The following PCAT7 variants were observed in gnomAD, a reference collection of about 807,000 sequenced individuals.
PCAT7 encodes prostate cancer associated transcript 7 (non-protein coding).
At chr9:94,555,822 A>C (rs1290839500) in intron 1 of PCAT7, among the ~76,000 whole-genome samples, 1 of 151,400 alleles carries the variant, frequency 6.6e-6, no homozygotes, top group African/African-American at 2.4e-5. Context: ...GGTGACAAGG[A>C]GGAGGAGAAA....
Position 94,561,767 on chromosome 9 carries a change from G to C in PCAT7, n.441+2615G>C, listed in dbSNP as rs79274148. ...GCACACACAGACACACACACACAGAGAGACGTCGGCACAGGGACCATGACA... is the reference window on the plus strand; with the variant it reads ...GCACACACAGACACACACACACAGACAGACGTCGGCACAGGGACCATGACA... On this transcript the variant is annotated intron_variant and non_coding_transcript_variant, in intron 2 of 8. Coordinates refer to ENST00000647389, the Ensembl canonical transcript of PCAT7. Among the ~76,000 whole-genome samples, 868 of 152,192 alleles carry C rather than the reference G, an allele frequency of 5.7e-3. 30 individuals are homozygous for C. In the East Asian group the frequency reaches 0.11, roughly 18 times the overall value.
Position 94,555,284 on chromosome 9 carries a change from G to T in PCAT7, n.231G>T, listed in dbSNP as rs1048789278. ...TCGCCTCGCTGCGGTTGGTGGTGGC[G>T]GTGGACATTGCAGCGCGGCTGGAGG... On this transcript the variant is annotated non_coding_transcript_exon_variant, in exon 1 of 9. Transcript: ENST00000647389. 5 of 152,082 alleles carry T rather than the reference G, an allele frequency of 3.3e-5. No individual in the cohort carries two copies. The South Asian group carries it at 1.0e-3, about 32-fold the overall frequency. 9.4% of individuals were successfully genotyped at this position (152,082 alleles called of 1,614,324 possible). A position where few individuals can be genotyped will look rare whatever the true frequency, so the allele number is the denominator to read the frequency against.
At position 94,571,946 on chromosome 9, in the gene PCAT7, C is replaced by T. The variant is rs186081103; in HGVS notation, n.442-1033C>T. Among the ~76,000 whole-genome samples the T allele has an allele frequency of 7.5e-4, 114 of 152,278 alleles. 1 individual carries two copies. The highest frequency in any genetic ancestry group is 5.3e-4 in the African/African-American group (22 of 41,550). Reference sequence around the variant, plus strand: ...TCACAACTCAGATCACTGAGCTGAGCGTGCAGTGTCTCACTCTGCACACTC... The same window carrying T: ...TCACAACTCAGATCACTGAGCTGAGTGTGCAGTGTCTCACTCTGCACACTC... On this transcript the variant is annotated intron_variant and non_coding_transcript_variant, in intron 2 of 8. Coordinates refer to ENST00000647389, the Ensembl canonical transcript of PCAT7.
chr9:94,559,202 C>G, intron 2 of PCAT7: 1 of 1,413,202 alleles, frequency 7.1e-7, no homozygotes, highest in South Asian at 1.3e-5. Context: ...GCCCCTAAAG[C>G]TGGGGGAGGA....
chr9:94,558,293 ATTTTTAT>A, intron 1 of PCAT7, among the ~76,000 whole-genome samples: 1 of 151,946 alleles, frequency 6.6e-6, no homozygotes, highest in Admixed American at 6.6e-5. Flanking sequence ...AATCAAGACA[ATTTTTAT>A]TTTTTATTTT....
intron 2 of PCAT7, chr9:94,568,757 C>G (rs1218364799): frequency 2.0e-5 from 3 of 152,226 alleles, no homozygotes; most frequent in Non-Finnish European, 4.4e-5. Flanking sequence ...TCCTGCCTAA[C>G]ATGAGTGACA....
chr9:94,561,135 G>C (rs1380451639), intron 2 of PCAT7, among the ~76,000 whole-genome samples: 1 of 152,058 alleles, frequency 6.6e-6, no homozygotes, highest in Non-Finnish European at 1.5e-5. Context: ...TGGGGGATTT[G>C]GGGTATCAGA....
chr9:94,559,119 T>C (rs148327617), exon 2 of PCAT7: 147 of 1,611,838 alleles, frequency 9.1e-5, no homozygotes, highest in Non-Finnish European at 7.9e-5. Flanking sequence ...ATTGCATTCA[T>C]ACAGGAGCCG....
intron 2 of PCAT7, among the ~76,000 whole-genome samples, chr9:94,561,432 G>A (rs802919): frequency 0.38 from 52,724 of 140,344 alleles, 9,843 homozygotes; most frequent in East Asian, 0.56. Flanking sequence ...GCGCGATCTC[G>A]GCTCACTGCA....
chr9:94,562,179 C>G (rs1425498634), intron 2 of PCAT7, among the ~76,000 whole-genome samples: 1 of 151,822 alleles, frequency 6.6e-6, no homozygotes, highest in Non-Finnish European at 1.5e-5. Context: ...GGCGTGGTGG[C>G]GGGCGCCTGT....
At chr9:94,560,894 C>G (rs1827088587) in intron 2 of PCAT7, among the ~76,000 whole-genome samples, 1 of 148,464 alleles carries the variant, frequency 6.7e-6, no homozygotes, top group South Asian at 2.1e-4. Flanking sequence ...TATTTACTGC[C>G]ATTTTGGTCA....
At chr9:94,559,756 C>A (rs376793811) in intron 2 of PCAT7, among the ~76,000 whole-genome samples, 2 of 152,174 alleles carry the variant, frequency 1.3e-5, no homozygotes, top group South Asian at 2.1e-4. Context: ...ACTCATCACA[C>A]TGAGGCCTCT....
chr9:94,566,784 G>C (rs1372167887), intron 2 of PCAT7, among the ~76,000 whole-genome samples: 1 of 152,210 alleles, frequency 6.6e-6, no homozygotes, highest in African/African-American at 2.4e-5. Flanking sequence ...TAAAGGGTTG[G>C]TATGAAGCCT....
At chr9:94,559,131 A>G (rs1827055614) in exon 2 of PCAT7, 1 of 1,609,296 alleles carries the variant, frequency 6.2e-7, no homozygotes, top group East Asian at 2.2e-5. Context: ...CAGGAGCCGG[A>G]GCTGTGGAGG....
chr9:94,566,161 A>G (rs1479520919), intron 2 of PCAT7, among the ~76,000 whole-genome samples: 1 of 152,300 alleles, frequency 6.6e-6, no homozygotes, highest in East Asian at 1.9e-4. Flanking sequence ...TTTGTTTCCT[A>G]ATCTTAAAAA....
chr9:94,561,608 A>G lies in PCAT7; in HGVS notation n.441+2456A>G, dbSNP rs565935729. Reference sequence around the variant, plus strand: ...TCTCGATCTTCTGACCTCGTGATCCACCCGCCTTGGCCTCCCAAAGTACTA... The same window carrying G: ...TCTCGATCTTCTGACCTCGTGATCCGCCCGCCTTGGCCTCCCAAAGTACTA... On this transcript the variant is annotated intron_variant and non_coding_transcript_variant, in intron 2 of 8. Coordinates refer to ENST00000647389, the Ensembl canonical transcript of PCAT7. Among the ~76,000 whole-genome samples, 139 of 151,692 alleles carry G rather than the reference A, an allele frequency of 9.2e-4. 1 individual carries two copies. Among genetic ancestry groups the G allele is most frequent in the Non-Finnish European group, 1.7e-3 (115 of 67,890 alleles).
At chr9:94,569,644 T>A (rs1827244325) in intron 2 of PCAT7, 1 of 152,204 alleles carries the variant, frequency 6.6e-6, no homozygotes, top group Admixed American at 6.5e-5. Flanking sequence ...AACGGCTGAT[T>A]TTTAATATGG....
chr9:94,557,243 C>A (rs1043072046), intron 1 of PCAT7, among the ~76,000 whole-genome samples: 3 of 152,106 alleles, frequency 2.0e-5, no homozygotes, highest in Admixed American at 1.3e-4. Flanking sequence ...TTTTAAGATT[C>A]TTTTTCTATT....
At chr9:94,564,912 T>A (rs543189276) in intron 2 of PCAT7, among the ~76,000 whole-genome samples, 1 of 152,270 alleles carries the variant, frequency 6.6e-6, no homozygotes, top group African/African-American at 2.4e-5. Context: ...ATATGACATA[T>A]TTTCAAAAAG....
Sources: gnomAD v4.1 joint callset for allele counts (sites outside exome capture counted in the v4.1 genomes callset) on GRCh38, gnomAD v4.1.1 for gene constraint, MANE v1.5 for transcripts, NCBI Gene and HGNC (gene_info 2026-07-23, HGNC 2026-07-21) for gene names.